The following ARHGEF10L variants were observed in gnomAD, a reference collection of about 807,000 sequenced individuals.
ARHGEF10L encodes rho guanine nucleotide exchange factor 10-like protein.
ARHGEF10L carries 69 observed loss-of-function variants against 141.2 expected under a neutral mutation model. That is an observed-to-expected ratio of 0.49 (90% CI 0.40 to 0.60). The LOEUF is 0.60. Among genes scored for constraint, ARHGEF10L ranks in the 20% least tolerant of loss-of-function variants. ARHGEF10L has a pLI of 0.00. For synonymous variants in ARHGEF10L, 711 were observed against 718.5 expected, an observed-to-expected ratio of 0.99 and a Z score of 0.17; for missense variants, 1,482 against 1,734.3, an observed-to-expected ratio of 0.85 and a Z score of 2.58.
At chr1:17,624,897 T>C (rs1385266131) in intron 13 of ARHGEF10L, among the ~76,000 whole-genome samples, 8 of 152,116 alleles carry the variant, frequency 5.3e-5, no homozygotes, top group Non-Finnish European at 8.8e-5. Context: ...CTTATAGGGG[T>C]ATCTTGGGCA....
intron 26 of ARHGEF10L, among the ~76,000 whole-genome samples, chr1:17,681,825 T>G (rs1420236213): frequency 6.6e-6 from 1 of 152,208 alleles, no homozygotes; most frequent in Non-Finnish European, 1.5e-5. Flanking sequence ...TCCACAAACT[T>G]TCCCCCTGGG....
At chr1:17,602,981 G>A (rs985305638) in intron 5 of ARHGEF10L, among the ~76,000 whole-genome samples, 3 of 151,978 alleles carry the variant, frequency 2.0e-5, no homozygotes, top group African/African-American at 2.4e-5. Flanking sequence ...TGGGGAGGAA[G>A]AGGGGGCTCT....
At chr1:17,527,286 T>C in the ARHGEF10L span, among the ~76,000 whole-genome samples, 8 of 152,356 alleles carry the variant, frequency 5.3e-5, no homozygotes, top group African/African-American at 1.9e-4. Context: ...TCAGAATTCA[T>C]GTGGTCGGAG....
the ARHGEF10L span, among the ~76,000 whole-genome samples, chr1:17,526,292 T>C: frequency 6.6e-6 from 1 of 152,240 alleles, no homozygotes; most frequent in Admixed American, 6.5e-5. Flanking sequence ...GTGATCTCTG[T>C]AAAAACCTGC....
chr1:17,563,965 C>T (rs540045791), intron 1 of ARHGEF10L, among the ~76,000 whole-genome samples: 10 of 152,326 alleles, frequency 6.6e-5, no homozygotes, highest in African/African-American at 2.4e-4. Flanking sequence ...GCAGATGGCT[C>T]CTGCCACTAA....
intron 16 of ARHGEF10L, chr1:17,634,217 T>TAGCGCAA (rs1047141232): frequency 2.1e-6 from 1 of 472,332 alleles, no homozygotes; most frequent in African/African-American, 2.0e-5. Flanking sequence ...CATGTTGCTC[T>TAGCGCAA]AGCGCAAAGT....
intron 27 of ARHGEF10L, among the ~76,000 whole-genome samples, chr1:17,690,174 G>T (rs1404210576): frequency 1.3e-5 from 2 of 152,170 alleles, no homozygotes; most frequent in Non-Finnish European, 1.5e-5. Context: ...TTGTGTCCCT[G>T]TCCTGGGCCT....
At chr1:17,593,333 C>T (rs761028108) in intron 4 of ARHGEF10L, among the ~76,000 whole-genome samples, 19 of 152,202 alleles carry the variant, frequency 1.2e-4, no homozygotes, top group Non-Finnish European at 2.8e-4. Context: ...GGCCCTTCCA[C>T]CCCTTGGAGA....
intron 4 of ARHGEF10L, among the ~76,000 whole-genome samples, chr1:17,595,091 A>G (rs1023156971): frequency 6.6e-6 from 1 of 152,220 alleles, no homozygotes; most frequent in Non-Finnish European, 1.5e-5. Flanking sequence ...AGAAAATGAT[A>G]GACTAAAAGC....
intron 1 of ARHGEF10L, among the ~76,000 whole-genome samples, chr1:17,560,094 C>T (rs146732609): frequency 1.3e-5 from 2 of 152,282 alleles, no homozygotes; most frequent in East Asian, 1.9e-4. Flanking sequence ...TCCCCCTCTT[C>T]CCCCAGCTGA....
intron 18 of ARHGEF10L, among the ~76,000 whole-genome samples, chr1:17,635,404 C>T (rs1461880804): frequency 6.6e-6 from 1 of 152,206 alleles, no homozygotes; most frequent in Non-Finnish European, 1.5e-5. Context: ...CGTCATCCCG[C>T]CCCAGTGGCT....
In ARHGEF10L at chr1:17,614,109, G is replaced by A. The variant is rs150515695; in HGVS notation, c.726+935G>A. Among the ~76,000 whole-genome samples the A allele has an allele frequency of 4.5e-3, 689 of 152,344 alleles. 5 individuals carry two copies. Among genetic ancestry groups the A allele is most frequent in the Middle Eastern group, 0.037 (11 of 294 alleles). On this transcript the variant is annotated intron_variant, in intron 8 of 28. Transcript: ENST00000361221. ...GCTAGTGGCCACAGCAGTGGTTCAC[G>A]ACAGAGCTGGGATTCCAACTTGGGT...
intron 1 of ARHGEF10L, among the ~76,000 whole-genome samples, chr1:17,565,124 T>A (rs2077696454): frequency 6.6e-6 from 1 of 152,186 alleles, no homozygotes; most frequent in Admixed American, 6.5e-5. Flanking sequence ...GCCTGTTCCT[T>A]ATAGATGGTA....
At position 17,539,718 on chromosome 1, in the gene ARHGEF10L, G is replaced by A. The variant is rs2076643794; in HGVS notation, c.-276G>A. 6.9e-6 allele frequency: 1 copy of A among 145,728 alleles called. No homozygotes were observed. 9.0% of individuals were successfully genotyped at this position (145,728 alleles called of 1,614,324 possible). A position where few individuals can be genotyped will look rare whatever the true frequency, so the allele number is the denominator to read the frequency against. On this transcript the variant is annotated 5_prime_UTR_variant, in exon 1 of 29. Transcript: ENST00000361221. This position sits in a 1 kb window ranked among gnomAD's most constrained non-coding sequence, Gnocchi z 6.0. The stretch of plus-strand genomic sequence containing the variant: ...GCGCCGCGTCGCGCACGGCGGCGGC[G>A]GCGGGACCAGGCCTCGGAGCGCGGC...
chr1:17,696,790 G>A, intron 28 of ARHGEF10L, 58 bp from the exon 29 acceptor site: 1 of 1,479,150 alleles, frequency 6.8e-7, no homozygotes, highest in Non-Finnish European at 9.0e-7. Context: ...AGACTCAGGT[G>A]CTTCCCTTAA....
At chr1:17,638,205 G>C (rs544551922) in intron 19 of ARHGEF10L, among the ~76,000 whole-genome samples, 1 of 152,224 alleles carries the variant, frequency 6.6e-6, no homozygotes, top group Non-Finnish European at 1.5e-5. Flanking sequence ...TGGTTCGGGC[G>C]CATCCTCTGG....
intron 2 of ARHGEF10L, among the ~76,000 whole-genome samples, chr1:17,584,462 A>G (rs1336403373): frequency 6.6e-6 from 1 of 152,190 alleles, no homozygotes; most frequent in African/African-American, 2.4e-5. Context: ...AACAGCAAAC[A>G]AAACAGACAA....
rs1557944940 is a variant in ARHGEF10L at position 17,654,576 on chromosome 1, A to G, written c.2395-60A>G. The G allele has an allele frequency of 4.7e-6, 7 of 1,481,274 alleles. No individual in the cohort carries two copies. Among genetic ancestry groups the G allele is most frequent in the African/African-American group, 1.4e-5 (1 of 72,170 alleles). The allele number at this position is 1,481,274 out of a possible 1,614,324, so 91.8% of individuals were successfully genotyped here. A position where few individuals can be genotyped will look rare whatever the true frequency, so the allele number is the denominator to read the frequency against. On this transcript the variant is annotated intron_variant, in intron 22 of 28. Transcript: ENST00000361221. This position sits in a 1 kb window ranked among gnomAD's most constrained non-coding sequence, Gnocchi z 4.3. ...TTGGATGGGGCCCAGGAATCTGCCA[A>G]ATATTGGCATCTGGGCACCTTGATG...
Position 17,593,059 on chromosome 1 carries a change from C to A in ARHGEF10L, c.257+4580C>A, listed in dbSNP as rs1025979759. ...AGAGCCAGGACCTTTGGATCCCAGGCCCTTTGAGGACCCCCACAGCCTCTT... is the reference window on the plus strand; with the variant it reads ...AGAGCCAGGACCTTTGGATCCCAGGACCTTTGAGGACCCCCACAGCCTCTT... On this transcript the variant is annotated intron_variant, in intron 4 of 28. Coordinates refer to ENST00000361221, the MANE Select transcript of ARHGEF10L (RefSeq NM_018125.4). Among the ~76,000 whole-genome samples, 10 of 152,154 alleles carry A rather than the reference C, an allele frequency of 6.6e-5. 1 individual carries two copies. Among genetic ancestry groups the A allele is most frequent in the African/African-American group, 2.4e-4 (10 of 41,442 alleles).
Sources: allele counts gnomAD v4.1 joint callset (sites outside exome capture counted in the v4.1 genomes callset), GRCh38; gene constraint gnomAD v4.1.1; non-coding constraint Gnocchi (gnomAD v3.1); transcripts MANE v1.5; gene names NCBI Gene and HGNC (gene_info 2026-07-23, HGNC 2026-07-21).